Variants in THSD4 observed in about 807,000 individuals in gnomAD.
THSD4 encodes thrombospondin type 1 domain containing 4.
Under a neutral mutation model 119.0 loss-of-function variants are expected in THSD4, and 69 were observed. The ratio of observed to expected loss-of-function variants is 0.58; its 90% CI spans 0.48 to 0.71. The LOEUF is 0.71. THSD4 is among the 30% of genes least tolerant of loss of function. The probability of loss-of-function intolerance (pLI) is 0.00; values close to 1 mark genes in which losing one functional copy is unlikely to be tolerated. For synonymous variants in THSD4, 524 were observed against 540.4 expected, an observed-to-expected ratio of 0.97 and a Z score of 0.42; for missense variants, 1,393 against 1,391.1, an observed-to-expected ratio of 1.00 and a Z score of -0.02.
chr15:71,405,108 C>T (rs953490238), intron 6 of THSD4, among the ~76,000 whole-genome samples: 1 of 152,240 alleles, frequency 6.6e-6, no homozygotes, highest in Middle Eastern at 3.4e-3. Context: ...AGGATGGTCT[C>T]AAACTCCTGA....
intron 7 of THSD4, among the ~76,000 whole-genome samples, chr15:71,528,061 T>G (rs1002832988): frequency 6.6e-6 from 1 of 152,158 alleles, no homozygotes. Context: ...GGTATAAGCC[T>G]AAGAAAATTG....
intron 7 of THSD4, among the ~76,000 whole-genome samples, chr15:71,453,995 A>G (rs1165801295): frequency 6.6e-6 from 1 of 152,186 alleles, no homozygotes; most frequent in Admixed American, 6.5e-5. Flanking sequence ...AGTGTCTCAC[A>G]CCTGTAATCC....
intron 6 of THSD4, among the ~76,000 whole-genome samples, chr15:71,281,644 A>G (rs1270085540): frequency 2.0e-5 from 3 of 152,230 alleles, no homozygotes; most frequent in Non-Finnish European, 4.4e-5. Context: ...TACTTGATTT[A>G]CAGAAATTCA....
At chr15:71,430,011 T>G (rs1436837107) in intron 7 of THSD4, among the ~76,000 whole-genome samples, 1 of 152,194 alleles carries the variant, frequency 6.6e-6, no homozygotes, top group Non-Finnish European at 1.5e-5. Context: ...ATGGGGGCAG[T>G]CAGCTGAGAG....
At chr15:71,748,227 G>A (rs976636329) in intron 13 of THSD4, among the ~76,000 whole-genome samples, 194 bp from the exon 14 acceptor site, 6 of 152,140 alleles carry the variant, frequency 3.9e-5, no homozygotes, top group Non-Finnish European at 8.8e-5. Context: ...TACAGTAGGC[G>A]AGGCATCTAA....
At chr15:71,103,216 G>A (rs950751809) in intron 1 of THSD4, among the ~76,000 whole-genome samples, 1 of 151,200 alleles carries the variant, frequency 6.6e-6, no homozygotes, top group Non-Finnish European at 1.5e-5. Flanking sequence ...CCTGCCTCTT[G>A]GGCTGTGGTT....
chr15:71,754,215 A>T (rs953796716), intron 14 of THSD4, among the ~76,000 whole-genome samples: 1 of 151,118 alleles, frequency 6.6e-6, no homozygotes, highest in Non-Finnish European at 1.5e-5. Context: ...TCAGCCTCCC[A>T]AGTAGCTGGA....
intron 6 of THSD4, among the ~76,000 whole-genome samples, chr15:71,381,229 C>T (rs1422805043): frequency 1.3e-5 from 2 of 152,332 alleles, no homozygotes; most frequent in Non-Finnish European, 2.9e-5. Flanking sequence ...ACACTTTACA[C>T]TGACTTTGCA....
At chr15:71,380,531 A>G (rs1013225800) in intron 6 of THSD4, among the ~76,000 whole-genome samples, 5 of 152,142 alleles carry the variant, frequency 3.3e-5, no homozygotes, top group African/African-American at 9.6e-5. Context: ...TCAAGAGAAT[A>G]GTATCAAAAG....
chr15:71,482,294 A>ACTTT (rs2047742796), intron 7 of THSD4, among the ~76,000 whole-genome samples: 1 of 23,398 alleles, frequency 4.3e-5, no homozygotes, highest in Admixed American at 9.1e-4. Context: ...CTGTACTGTA[A>ACTTT]CTTTTTTTTT....
At chr15:71,567,600 C>CACACA (rs1555427634) in intron 7 of THSD4, among the ~76,000 whole-genome samples, 2 of 138,032 alleles carry the variant, frequency 1.4e-5, no homozygotes, top group African/African-American at 4.9e-5. Context: ...AAAGACACCC[C>CACACA]CCCACACACA....
At chr15:71,281,888 C>T (rs2044657277) in intron 6 of THSD4, among the ~76,000 whole-genome samples, 2 of 152,326 alleles carry the variant, frequency 1.3e-5, no homozygotes, top group South Asian at 2.1e-4. Flanking sequence ...CAGCCATCAG[C>T]AGTTTCACTG....
chr15:71,554,107 T>TTTC (rs1555426018), intron 7 of THSD4, among the ~76,000 whole-genome samples: 6 of 150,184 alleles, frequency 4.0e-5, no homozygotes, highest in Non-Finnish European at 5.9e-5. Flanking sequence ...TTTTTTTTTT[T>TTTC]CAGATGGAGT....
chr15:71,577,100 A>T (rs1388132867), intron 7 of THSD4, among the ~76,000 whole-genome samples: 1 of 152,154 alleles, frequency 6.6e-6, no homozygotes, highest in Non-Finnish European at 1.5e-5. Flanking sequence ...ACAAAAAAAA[A>T]AAAAACCTTT....
At chr15:71,698,959 C>G (rs992957392) in intron 8 of THSD4, among the ~76,000 whole-genome samples, 1 of 151,998 alleles carries the variant, frequency 6.6e-6, no homozygotes, top group Non-Finnish European at 1.5e-5. Flanking sequence ...TACAAAGTTT[C>G]AGTTATAAAA....
intron 6 of THSD4, among the ~76,000 whole-genome samples, chr15:71,295,185 G>A (rs2044846496): frequency 6.6e-6 from 1 of 152,146 alleles, no homozygotes; most frequent in Admixed American, 6.5e-5. Flanking sequence ...CTTCCTTACT[G>A]GTCCTGCAGT....
intron 7 of THSD4, among the ~76,000 whole-genome samples, chr15:71,436,910 A>G (rs866952034): frequency 6.6e-6 from 1 of 152,168 alleles, no homozygotes; most frequent in Non-Finnish European, 1.5e-5. Context: ...AGAGCAGACA[A>G]TGGCTGGTAA....
At chr15:71,117,811 C>T (rs551687266) in intron 1 of THSD4, among the ~76,000 whole-genome samples, 43 of 152,216 alleles carry the variant, frequency 2.8e-4, no homozygotes, top group African/African-American at 3.9e-4. Flanking sequence ...TATTTCTGAG[C>T]GTCTGCTATG....
At chr15:71,669,287 T>A (rs1158007909) in intron 8 of THSD4, among the ~76,000 whole-genome samples, 1 of 152,256 alleles carries the variant, frequency 6.6e-6, no homozygotes, top group East Asian at 1.9e-4. Flanking sequence ...TGTAGTTTTC[T>A]TATTGATTTT....
Sources: allele counts gnomAD v4.1 joint callset (sites outside exome capture counted in the v4.1 genomes callset), GRCh38; gene constraint gnomAD v4.1.1; transcripts MANE v1.5; gene names NCBI Gene and HGNC (gene_info 2026-07-23, HGNC 2026-07-21).